BRF1: variants seen among roughly 807,000 people sequenced by gnomAD.
BRF1 encodes the protein transcription factor IIIB 90 kDa subunit.
BRF1 carries 59 observed loss-of-function variants against 81.7 expected under a neutral mutation model. The observed-to-expected ratio is 0.72, with a 90% CI of 0.59 to 0.90. The LOEUF is 0.90. BRF1 is among the 40% of genes least tolerant of loss of function. The pLI is 0.00. For synonymous variants in BRF1, 491 were observed against 395.6 expected, an observed-to-expected ratio of 1.24 and a Z score of -2.86; for missense variants, 1,050 against 936.3, an observed-to-expected ratio of 1.12 and a Z score of -1.58.
intron 1 of BRF1, among the ~76,000 whole-genome samples, chr14:105,291,206 C>G (rs1241604845): frequency 6.6e-6 from 1 of 152,186 alleles, no homozygotes; most frequent in Non-Finnish European, 1.5e-5. Context: ...GGGCCAGAGG[C>G]CGCAGGGGCA....
chr14:105,252,078 C>A (rs587611121), intron 5 of BRF1, among the ~76,000 whole-genome samples: 1 of 152,296 alleles, frequency 6.6e-6, no homozygotes, highest in South Asian at 2.1e-4. Flanking sequence ...GTCCCTTAAA[C>A]CTTGTCCACA....
Position 105,248,951 on chromosome 14 carries a change from G to A in BRF1, c.544+3556C>T, listed in dbSNP as rs2055363091. On this transcript the variant is annotated intron_variant, in intron 5 of 17. Transcript: ENST00000547530. Reference sequence around the variant, plus strand: ...GCAACGCCGGCGCCGCCGTGGGCAGGAAGGCCGGGCCGCGCAGCCCGCCCA... The same window carrying A: ...GCAACGCCGGCGCCGCCGTGGGCAGAAAGGCCGGGCCGCGCAGCCCGCCCA... The A allele has an allele frequency of 5.1e-6, 5 of 983,586 alleles. No individual in the cohort carries two copies. In the African/African-American group the frequency reaches 5.3e-5, roughly 10 times the overall value. 60.9% of individuals were successfully genotyped at this position (983,586 alleles called of 1,614,324 possible).
Position 105,217,790 on chromosome 14 carries a change from GACT to G in BRF1, c.1523_1525del (p.Lys508_Ser509delinsThr). On this transcript the variant is annotated inframe_deletion, in exon 15 of 18. Transcript: ENST00000547530. ...CTGAATTGGCTCCCGTCGCTTGCAA[GACT>G]TCTTGGGCTTGAGGGAAACAAGCAA... The G allele has an allele frequency of 6.2e-7, 1 of 1,611,456 alleles. No individual in the cohort carries two copies. Among genetic ancestry groups the G allele is most frequent in the Non-Finnish European group, 8.5e-7 (1 of 1,178,882 alleles).
Position 105,300,717 on chromosome 14 carries a change from C to A in BRF1, c.-88G>T, listed in dbSNP as rs934499091. The A allele has an allele frequency of 5.7e-5, 59 of 1,042,386 alleles. No homozygotes were observed. Among genetic ancestry groups the A allele is most frequent in the African/African-American group, 4.3e-4 (26 of 59,886 alleles). 64.6% of individuals were successfully genotyped at this position (1,042,386 alleles called of 1,614,324 possible). A position where few individuals can be genotyped will look rare whatever the true frequency, so the allele number is the denominator to read the frequency against. On this transcript the variant is annotated 5_prime_UTR_variant, in exon 1 of 18. Coordinates refer to ENST00000547530, the MANE Select transcript of BRF1 (RefSeq NM_001519.4). ...GAGCAGCCCGCGCCGCCCGCCCAGGCCCAGCCGCCCAGGCCTCGCCGCTCT... is the reference window on the plus strand; with the variant it reads ...GAGCAGCCCGCGCCGCCCGCCCAGGACCAGCCGCCCAGGCCTCGCCGCTCT...
At chr14:105,297,359 G>C (rs71423845) in intron 1 of BRF1, among the ~76,000 whole-genome samples, 228 of 152,154 alleles carry the variant, frequency 1.5e-3, no homozygotes, top group Non-Finnish European at 2.7e-3. Context: ...ACGAGGTCAG[G>C]AGTTCGAGAC....
chr14:105,224,756 C>T (rs1026121205), intron 10 of BRF1, among the ~76,000 whole-genome samples: 1 of 152,182 alleles, frequency 6.6e-6, no homozygotes, highest in African/African-American at 2.4e-5. Context: ...CTATGCTGAC[C>T]AGGCTGGTCT....
chr14:105,286,613 T>C (rs1417164745), intron 1 of BRF1, among the ~76,000 whole-genome samples: 1 of 147,368 alleles, frequency 6.8e-6, no homozygotes, highest in Non-Finnish European at 1.5e-5. Flanking sequence ...CCGCATTTTC[T>C]TTTTTTTTTT....
Position 105,210,458 on chromosome 14 carries a change from G to A in BRF1, c.*93C>T. ...ACCTGTCACCAGGAGTCTCGGCGCTGGGGCCTGCCTGCTGCGGTCCTGGAA... is the reference window on the plus strand; with the variant it reads ...ACCTGTCACCAGGAGTCTCGGCGCTAGGGCCTGCCTGCTGCGGTCCTGGAA... On this transcript the variant is annotated 3_prime_UTR_variant, in exon 18 of 18. Coordinates refer to ENST00000547530, the MANE Select transcript of BRF1 (RefSeq NM_001519.4). The surrounding 1 kb of genome is among the most constrained non-coding windows in gnomAD (Gnocchi z 4.7). The A allele has an allele frequency of 6.9e-7, 1 of 1,458,280 alleles. No individual in the cohort carries two copies. The allele number at this position is 1,458,280 out of a possible 1,614,324, so 90.3% of individuals were successfully genotyped here.
rs587750006 is a variant in BRF1 at position 105,279,835 on chromosome 14, T to C, written c.265+6461A>G. Among the ~76,000 whole-genome samples, 3 of 152,324 alleles carry C rather than the reference T, an allele frequency of 2.0e-5. No individual in the cohort carries two copies. The East Asian group carries it at 5.8e-4, about 29-fold the overall frequency. ...ATCAACAGGAAAAGGAGATAAACTG[T>C]GGTCTATTCATCCCATGAAATACTA... On this transcript the variant is annotated intron_variant, in intron 2 of 17. Transcript: ENST00000547530.
intron 10 of BRF1, among the ~76,000 whole-genome samples, chr14:105,224,306 T>C (rs185530714): frequency 6.6e-6 from 1 of 152,186 alleles, no homozygotes; most frequent in African/African-American, 2.4e-5. Context: ...AGGGTAGAGG[T>C]TGTGGTGAGC....
intron 6 of BRF1, among the ~76,000 whole-genome samples, chr14:105,241,002 G>T (rs1268782330): frequency 6.6e-6 from 1 of 152,228 alleles, no homozygotes; most frequent in African/African-American, 2.4e-5. Context: ...CCGCACCCCA[G>T]AAGTAGGCAA....
chr14:105,268,910 C>T (rs2056543793), intron 3 of BRF1, among the ~76,000 whole-genome samples: 1 of 152,194 alleles, frequency 6.6e-6, no homozygotes, highest in African/African-American at 2.4e-5. Flanking sequence ...TGGCTGCACA[C>T]ACCCTCTCCT....
chr14:105,213,951 C>A (rs902131173), intron 15 of BRF1, among the ~76,000 whole-genome samples: 2 of 152,204 alleles, frequency 1.3e-5, no homozygotes, highest in Non-Finnish European at 2.9e-5. Flanking sequence ...GGCCTGAGAG[C>A]GCCTGGAGAA....
intron 4 of BRF1, among the ~76,000 whole-genome samples, chr14:105,254,446 A>C (rs919015537): frequency 6.6e-6 from 1 of 152,002 alleles, no homozygotes; most frequent in African/African-American, 2.4e-5. Context: ...TTTAGTAGAG[A>C]TGGAGTTTCA....
At chr14:105,298,729 C>T (rs867855585) in intron 1 of BRF1, among the ~76,000 whole-genome samples, 4 of 152,154 alleles carry the variant, frequency 2.6e-5, no homozygotes, top group Admixed American at 6.5e-5. Flanking sequence ...GTGGCGCACG[C>T]CTGTAATCCC....
chr14:105,290,472 C>T (rs988014680), intron 1 of BRF1, among the ~76,000 whole-genome samples: 2 of 152,122 alleles, frequency 1.3e-5, no homozygotes, highest in Admixed American at 6.5e-5. Flanking sequence ...GAACAGGGGA[C>T]GCCGTACAGC....
chr14:105,261,477 G>A (rs1171270973), intron 3 of BRF1, among the ~76,000 whole-genome samples: 1 of 152,232 alleles, frequency 6.6e-6, no homozygotes, highest in African/African-American at 2.4e-5. Flanking sequence ...AGAGGATGGG[G>A]AAACTGAGGC....
chr14:105,220,165 C>A, intron 11 of BRF1, 35 bp from the exon 12 acceptor site: 1 of 1,612,332 alleles, frequency 6.2e-7, no homozygotes, highest in Non-Finnish European at 8.5e-7. Context: ...TCACTCAGGG[C>A]CAGCACTGAT....
chr14:105,228,523 G>A (rs587683387), intron 7 of BRF1, among the ~76,000 whole-genome samples: 3 of 149,530 alleles, frequency 2.0e-5, no homozygotes, highest in South Asian at 2.1e-4. Context: ...CAGCCTAAGC[G>A]ACAGAGCAAG....
Sources: allele counts gnomAD v4.1 joint callset (sites outside exome capture counted in the v4.1 genomes callset), GRCh38; gene constraint gnomAD v4.1.1; non-coding constraint Gnocchi (gnomAD v3.1); transcripts MANE v1.5; gene names NCBI Gene and HGNC (gene_info 2026-07-23, HGNC 2026-07-21).